RYR2: variants seen among roughly 807,000 people sequenced by gnomAD.
RYR2 encodes cardiac muscle ryanodine receptor-calcium release channel.
Under a neutral mutation model 601.1 loss-of-function variants are expected in RYR2, and 227 were observed. The observed-to-expected ratio is 0.38, with a 90% confidence interval of 0.34 to 0.42. The LOEUF is 0.42. RYR2 is among the 10% of genes least tolerant of loss of function. RYR2 has a pLI of 1.00. For synonymous variants in RYR2, 2,223 were observed against 2,175.1 expected (o/e 1.02, Z -0.61); for missense variants, 4,646 against 6,156.5 (o/e 0.75, Z 8.21).
intron 27 of RYR2, among the ~76,000 whole-genome samples, chr1:237,564,125 A>C (rs1044470182): frequency 9.9e-5 from 15 of 152,158 alleles, no homozygotes; most frequent in Non-Finnish European, 1.6e-4. Flanking sequence ...GCTCATATTT[A>C]TCTCTTAGAT....
chr1:237,457,110 A>G (rs1658928462), intron 16 of RYR2, among the ~76,000 whole-genome samples: 1 of 152,174 alleles, frequency 6.6e-6, no homozygotes, highest in Admixed American at 6.6e-5. Flanking sequence ...AGGAGGAGAA[A>G]GTCATTCAGG....
chr1:237,366,674 TCA>T (rs56679247), intron 5 of RYR2, among the ~76,000 whole-genome samples: 26,970 of 144,296 alleles, frequency 0.19, 2,422 homozygotes, highest in African/African-American at 0.25. Context: ...ACCTCTTTAG[TCA>T]CACACACACA....
intron 1 of RYR2, among the ~76,000 whole-genome samples, chr1:237,065,604 T>C (rs6673755): frequency 0.77 from 117,752 of 152,028 alleles, 46,172 homozygotes; most frequent in East Asian, 0.99. Flanking sequence ...TTTATAGTCA[T>C]ACACTTCCTC....
intron 3 of RYR2, among the ~76,000 whole-genome samples, chr1:237,331,767 G>C (rs1230118963): frequency 6.6e-6 from 1 of 151,788 alleles, no homozygotes; most frequent in Non-Finnish European, 1.5e-5. Flanking sequence ...GCCCACCTTG[G>C]CCTCCCAAAG....
chr1:237,503,458 T>C lies in RYR2; in HGVS notation c.2566T>C (p.Ser856Pro), dbSNP rs755459247. 1.9e-6 allele frequency: 3 copies of C among 1,613,918 alleles called. No individual in the cohort carries two copies. The highest frequency in any genetic ancestry group is 2.5e-6 in the Non-Finnish European group (3 of 1,179,878). ...ACGCGACCTGCTGGGCCCCACAGTT[T>C]CCCTGACGCAAGCTGCCTTCACACC... Reference protein sequence around the residue: ...YTRDLLGPTVSLTQAAFTPIP... With the variant: ...YTRDLLGPTVPLTQAAFTPIP... The change falls in exon 22 of 105, where the codon TCC (serine) becomes CCC (proline). Residue 856 changes from serine (S) to proline (P), a missense_variant. Coordinates refer to ENST00000366574, the MANE Select transcript of RYR2 (RefSeq NM_001035.3).
At chr1:237,088,594 T>C (rs1311644717) in intron 1 of RYR2, among the ~76,000 whole-genome samples, 1 of 152,242 alleles carries the variant, frequency 6.6e-6, no homozygotes, top group Non-Finnish European at 1.5e-5. Context: ...AGTTTGCTAA[T>C]CTATGATTTA....
At chr1:237,746,625 A>G (rs557321666) in intron 80 of RYR2, among the ~76,000 whole-genome samples, 2 of 152,284 alleles carry the variant, frequency 1.3e-5, no homozygotes, top group South Asian at 4.1e-4. Flanking sequence ...CATCTGTAAT[A>G]TAGGTAAATA....
chr1:237,633,473 A>T, intron 42 of RYR2, 105 bp from the exon 43 acceptor site: 1 of 1,369,868 alleles, frequency 7.3e-7, no homozygotes, highest in Non-Finnish European at 1.0e-6. Context: ...TTTGGCACAC[A>T]CATGGACACA....
At chr1:237,402,818 AT>A (rs1703478341) in intron 10 of RYR2, among the ~76,000 whole-genome samples, 2 of 152,308 alleles carry the variant, frequency 1.3e-5, no homozygotes, top group South Asian at 2.1e-4. Context: ...GTCTTACTCT[AT>A]TGGGCAGGCT....
chr1:237,312,239 A>G (rs1040046261), intron 2 of RYR2, among the ~76,000 whole-genome samples: 1 of 152,176 alleles, frequency 6.6e-6, no homozygotes, highest in Non-Finnish European at 1.5e-5. Context: ...ATAAAATAAC[A>G]ATCCCCAGGT....
intron 12 of RYR2, among the ~76,000 whole-genome samples, chr1:237,427,135 C>T (rs1706256729): frequency 6.6e-6 from 1 of 152,142 alleles, no homozygotes; most frequent in African/African-American, 2.4e-5. Context: ...GAAAGAGGAA[C>T]ACGCTACCTT....
chr1:237,611,047 CG>C, intron 36 of RYR2, 59 bp downstream of exon 36: 1 of 1,450,506 alleles, frequency 6.9e-7, no homozygotes. Context: ...GCCTGCTGCC[CG>C]GGGCTTCCGG....
At chr1:237,723,815 A>G (rs1229241141) in intron 74 of RYR2, among the ~76,000 whole-genome samples, 2 of 151,952 alleles carry the variant, frequency 1.3e-5, no homozygotes, top group African/African-American at 4.8e-5. Flanking sequence ...GTTTTTATAT[A>G]TTTTTTCAGT....
At chr1:237,733,598 G>T (rs1371398197) in intron 78 of RYR2, 107 bp from the exon 79 acceptor site, 13 of 737,662 alleles carry the variant, frequency 1.8e-5, no homozygotes, top group Non-Finnish European at 2.9e-5. Context: ...TTTTAAAAAG[G>T]TATACTTGTT....
At chr1:237,470,303 AGTTC>A in intron 17 of RYR2, among the ~76,000 whole-genome samples, 1 of 152,346 alleles carries the variant, frequency 6.6e-6, no homozygotes, top group Admixed American at 6.5e-5. Flanking sequence ...CATACAAAAT[AGTTC>A]TGAGACTTTT....
intron 1 of RYR2, among the ~76,000 whole-genome samples, chr1:237,214,305 A>G (rs1296385975): frequency 6.6e-6 from 1 of 152,180 alleles, no homozygotes; most frequent in East Asian, 1.9e-4. Context: ...ATAAAGGACT[A>G]ACTGAGGTTG....
intron 22 of RYR2, among the ~76,000 whole-genome samples, chr1:237,505,569 AG>A (rs771766256): frequency 7.9e-5 from 12 of 152,210 alleles, no homozygotes; most frequent in Non-Finnish European, 1.5e-4. Context: ...AAAAGGTGGG[AG>A]GATATGTATA....
intron 10 of RYR2, among the ~76,000 whole-genome samples, chr1:237,406,297 T>C (rs1195056389): frequency 6.7e-6 from 1 of 149,294 alleles, no homozygotes; most frequent in Non-Finnish European, 1.5e-5. Flanking sequence ...GTTCGTGTCT[T>C]TCTTACCATG....
chr1:237,049,334 A>C (rs1660970169), intron 1 of RYR2, among the ~76,000 whole-genome samples: 1 of 152,204 alleles, frequency 6.6e-6, no homozygotes, highest in South Asian at 2.1e-4. Flanking sequence ...CCAGTGGATC[A>C]GTTTCATCCC....
Sources: allele counts gnomAD v4.1 joint callset (sites outside exome capture counted in the v4.1 genomes callset), GRCh38; gene constraint gnomAD v4.1.1; transcripts MANE v1.5; gene names NCBI Gene and HGNC (gene_info 2026-07-23, HGNC 2026-07-21).